The following BCLAF1 variants were observed in gnomAD, a reference collection of about 807,000 sequenced individuals.
The protein encoded by BCLAF1 is BCL2 associated transcription factor 1.
BCLAF1 carries 10 observed loss-of-function variants against 99.5 expected under a neutral mutation model. That is an observed-to-expected ratio of 0.10 (90% CI 0.06 to 0.17). The LOEUF (loss-of-function observed/expected upper bound fraction) is 0.17, where lower values mean the gene tolerates loss of function less well. BCLAF1 is among the 10% of genes least tolerant of loss of function. The pLI is 1.00. For missense variants in BCLAF1, 636 were observed against 1,105.8 expected (o/e 0.58, Z 6.02); for synonymous variants, 255 against 370.9 (o/e 0.69, Z 3.59).
At chr6:136,284,128 GTGTATATATATA>G (rs1208360175) in intron 1 of BCLAF1, among the ~76,000 whole-genome samples, 15 of 81,350 alleles carry the variant, frequency 1.8e-4, no homozygotes, top group African/African-American at 6.8e-4. Context: ...GTGTGTGTGT[GTGTATATATATA>G]TATATATATA....
chr6:136,284,130 G>GTGTGTGTATATATATATATA (rs36141174), intron 1 of BCLAF1, among the ~76,000 whole-genome samples: 2 of 122,118 alleles, frequency 1.6e-5, no homozygotes, highest in African/African-American at 4.1e-5. Flanking sequence ...GTGTGTGTGT[G>GTGTGTGTATATATATATATA]TATATATATA....
In BCLAF1 at chr6:136,272,008, T is replaced by G; in HGVS notation, c.2030A>C (p.Glu677Ala). ...TCAAAAACATACCTTTTGATTTTCT[T>G]CTTTAAAAACTCTCTCTTCCCCTGC... ...RLAGEERVFK[E>A]ENQKGDKKLR... The change falls in exon 8 of 13, where the codon GAA (glutamate) becomes GCA (alanine). Residue 677 changes from glutamate (E) to alanine (A), a missense_variant. By Grantham distance (107) the Glu-to-Ala change is moderately radical. Around this residue, in one of 9 missense-constraint regions of BCLAF1, gnomAD observed 180 missense variants for 270.0 expected, o/e 0.67. Transcript: ENST00000531224. The G allele has an allele frequency of 6.2e-7, 1 of 1,603,148 alleles. No individual in the cohort carries two copies.
At chr6:136,280,313 A>G (rs1382749614) in intron 2 of BCLAF1, among the ~76,000 whole-genome samples, 1 of 152,200 alleles carries the variant, frequency 6.6e-6, no homozygotes, top group African/African-American at 2.4e-5. Context: ...AAATAAACCT[A>G]CCAGGCTGTT....
At chr6:136,269,129 C>T in intron 9 of BCLAF1, 2 of 1,199,022 alleles carry the variant, frequency 1.7e-6, no homozygotes, top group Non-Finnish European at 2.1e-6. Flanking sequence ...CATAACGAAC[C>T]AAAGTTCTTA....
At chr6:136,276,570 T>C in intron 4 of BCLAF1, 62 bp from the exon 5 acceptor site, 1 of 1,496,010 alleles carries the variant, frequency 6.7e-7, no homozygotes. Flanking sequence ...ATCGCTTCCA[T>C]ATTTAAATGT....
Position 136,260,974 on chromosome 6 carries a change from A to G in BCLAF1, c.*136T>C, listed in dbSNP as rs1466348627. ...TATTTCTCAAGATATTTGAAGACTT[A>G]AAACAAAATTTCTATAGACTACTTG... On this transcript the variant is annotated 3_prime_UTR_variant, in exon 13 of 13. Coordinates refer to ENST00000531224, the MANE Select transcript of BCLAF1 (RefSeq NM_014739.3). 4 of 969,806 alleles carry G rather than the reference A, an allele frequency of 4.1e-6. No individual in the cohort carries two copies. The highest frequency in any genetic ancestry group is 3.4e-5 in the African/African-American group (2 of 58,658). The allele number at this position is 969,806 out of a possible 1,614,324, so 60.1% of individuals were successfully genotyped here. A position where few individuals can be genotyped will look rare whatever the true frequency, so the allele number is the denominator to read the frequency against.
rs1780775426 is a variant in BCLAF1, at chr6:136,260,044, A to C, written c.*1066T>G. 1 of 152,046 alleles carries C rather than the reference A, an allele frequency of 6.6e-6. No individual in the cohort carries two copies. Among genetic ancestry groups the C allele is most frequent in the African/African-American group, 2.4e-5 (1 of 41,452 alleles). The allele number at this position is 152,046 out of a possible 1,614,324, so 9.4% of individuals were successfully genotyped here. On this transcript the variant is annotated 3_prime_UTR_variant, in exon 13 of 13. Coordinates refer to ENST00000531224, the MANE Select transcript of BCLAF1 (RefSeq NM_014739.3). Reference sequence around the variant, plus strand: ...AAAAGGTTAGATCAATGCCGCAACAAGCTTCCTGCCAAAACTTTTATTGGT... The same window carrying C: ...AAAAGGTTAGATCAATGCCGCAACACGCTTCCTGCCAAAACTTTTATTGGT...
Position 136,276,343 on chromosome 6 carries a change from A to C in BCLAF1, c.1182T>G (p.Phe394Leu). Residue 394 changes from phenylalanine (F) to leucine (L), a missense_variant, in exon 5 of 13, where the codon TTT (phenylalanine) becomes TTG (leucine). Phe to Leu is a conservative substitution (Grantham distance 22). This residue lies in a region of BCLAF1 where 186 missense variants were observed against 275.3 expected (regional missense o/e 0.68). Transcript: ENST00000531224. The part of the protein sequence containing the change: ...FSDKESGKQK[F>L]NDSEGDDTEE... ...CTGTGTCATCCCCTTCTGAATCATTAAACTTTTGTTTTCCAGACTCTTTAT... is the reference window on the plus strand; with the variant it reads ...CTGTGTCATCCCCTTCTGAATCATTCAACTTTTGTTTTCCAGACTCTTTAT... 6.4e-7 allele frequency: 1 copy of C among 1,566,828 alleles called. No homozygotes were observed. Among genetic ancestry groups the C allele is most frequent in the Non-Finnish European group, 8.6e-7 (1 of 1,159,868 alleles).
chr6:136,262,648 T>C (rs759286777), intron 11 of BCLAF1, among the ~76,000 whole-genome samples: 4 of 152,186 alleles, frequency 2.6e-5, no homozygotes, highest in Admixed American at 6.6e-5. Context: ...CATGACTCTA[T>C]AATGAATGAA....
intron 10 of BCLAF1, 70 bp downstream of exon 10, chr6:136,268,092 T>A (rs758674558): frequency 7.4e-7 from 1 of 1,342,498 alleles, no homozygotes; most frequent in Non-Finnish European, 1.0e-6. Context: ...ATCATGTATA[T>A]GACCTTCCTT....
At chr6:136,288,975 G>C (rs1785551064) in intron 1 of BCLAF1, among the ~76,000 whole-genome samples, 1 of 152,180 alleles carries the variant, frequency 6.6e-6, no homozygotes, top group East Asian at 1.9e-4. Context: ...CCTCTCGCTA[G>C]GGAACCGTAA....
chr6:136,281,319 A>C (rs543311831), intron 2 of BCLAF1, among the ~76,000 whole-genome samples: 1 of 152,298 alleles, frequency 6.6e-6, no homozygotes, highest in African/African-American at 2.4e-5. Flanking sequence ...CATTAACATA[A>C]GGAGATCTGA....
At chr6:136,262,200 T>G (rs1020927875) in intron 11 of BCLAF1, among the ~76,000 whole-genome samples, 2 of 152,116 alleles carry the variant, frequency 1.3e-5, no homozygotes, top group Non-Finnish European at 2.9e-5. Context: ...TCTGCAAAAC[T>G]GAAAAGTACT....
At position 136,287,556 on chromosome 6, in the gene BCLAF1, C is replaced by T. The variant is rs552544043; in HGVS notation, c.-115+2157G>A. On this transcript the variant is annotated intron_variant, in intron 1 of 12. Coordinates refer to ENST00000531224, the MANE Select transcript of BCLAF1 (RefSeq NM_014739.3). ...CCTCTTCTACTTATTTGGTAAATAA[C>T]AAATCACTGTAAATTACACAGCTGA... Among the ~76,000 whole-genome samples, 3 of 152,296 alleles carry T rather than the reference C, an allele frequency of 2.0e-5. No homozygotes were observed. The East Asian group carries it at 5.8e-4, about 29-fold the overall frequency.
At chr6:136,262,028 G>C (rs896377882) in intron 11 of BCLAF1, among the ~76,000 whole-genome samples, 1 of 152,060 alleles carries the variant, frequency 6.6e-6, no homozygotes, top group Non-Finnish European at 1.5e-5. Flanking sequence ...CTGGGCTAGA[G>C]AATTTCAATG....
Position 136,278,365 on chromosome 6 carries a change from T to A in BCLAF1, c.516A>T (p.Glu172Asp), listed in dbSNP as rs745789578. 6.2e-7 allele frequency: 1 copy of A among 1,613,752 alleles called. No individual in the cohort carries two copies. ...TTTTCAACGGACTCTCTTCTTGGGGTTCCCCTTCAGCTTTTTTGGTTTGTT... is the reference window on the plus strand; with the variant it reads ...TTTTCAACGGACTCTCTTCTTGGGGATCCCCTTCAGCTTTTTTGGTTTGTT... Reference protein sequence around the residue: ...QEKQTKKAEGEPQEESPLKSK... With the variant: ...QEKQTKKAEGDPQEESPLKSK... The change falls in exon 4 of 13, where the codon GAA (glutamate) becomes GAT (aspartate). Residue 172 changes from glutamate (E) to aspartate (D), a missense_variant. This residue lies in a region of BCLAF1 where 12 missense variants were observed against 96.3 expected (regional missense o/e 0.12). Coordinates refer to ENST00000531224, the MANE Select transcript of BCLAF1 (RefSeq NM_014739.3).
Position 136,260,156 on chromosome 6 carries a change from T to A in BCLAF1, c.*954A>T, listed in dbSNP as rs1198694750. On this transcript the variant is annotated 3_prime_UTR_variant, in exon 13 of 13. Transcript: ENST00000531224. ...TTTTACTAATAGTTACACTACAAACTAATGTTCAGCTCAAATAAATATGTA... is the reference window on the plus strand; with the variant it reads ...TTTTACTAATAGTTACACTACAAACAAATGTTCAGCTCAAATAAATATGTA... 1.3e-5 allele frequency: 2 copies of A among 152,080 alleles called. No individual in the cohort carries two copies. The highest frequency in any genetic ancestry group is 4.8e-5 in the African/African-American group (2 of 41,448). 9.4% of individuals were successfully genotyped at this position (152,080 alleles called of 1,614,324 possible). A position where few individuals can be genotyped will look rare whatever the true frequency, so the allele number is the denominator to read the frequency against.
rs140364825 is a variant in BCLAF1 at position 136,276,273 on chromosome 6, C to G, written c.1252G>C (p.Asp418His). Residue 418 changes from aspartate to histidine, a missense_variant, in exon 5 of 13, where the codon GAT (aspartate) becomes CAT (histidine). This residue lies in a region of BCLAF1 where 186 missense variants were observed against 275.3 expected (regional missense o/e 0.68). Coordinates refer to ENST00000531224, the MANE Select transcript of BCLAF1 (RefSeq NM_014739.3). ...GCAGTAGCAAAACTTTTACCCTGAT[C>G]TGCGAGGACTGACTTCCTGAACTGT... ...YRQFRKSVLA[D>H]QGKSFATASH... The G allele has an allele frequency of 2.5e-6, 4 of 1,594,836 alleles. No homozygotes were observed. Among genetic ancestry groups the G allele is most frequent in the Non-Finnish European group, 3.4e-6 (4 of 1,171,844 alleles).
At chr6:136,285,231 C>T in intron 1 of BCLAF1, among the ~76,000 whole-genome samples, 1 of 151,774 alleles carries the variant, frequency 6.6e-6, no homozygotes, top group East Asian at 1.9e-4. Flanking sequence ...AAATAAACAG[C>T]AATGAAAAAA....
Sources: allele counts gnomAD v4.1 joint callset (sites outside exome capture counted in the v4.1 genomes callset), GRCh38; gene constraint gnomAD v4.1.1; regional missense constraint gnomAD v4.1.1; transcripts MANE v1.5; gene names NCBI Gene and HGNC (gene_info 2026-07-23, HGNC 2026-07-21).